PDE4D: variants seen among roughly 807,000 people sequenced by gnomAD.
PDE4D encodes phosphodiesterase 4D, also known as 3',5'-cyclic-AMP phosphodiesterase 4D.
PDE4D carries 24 observed loss-of-function variants against 87.4 expected under a neutral mutation model. The ratio of observed to expected loss-of-function variants is 0.27; its 90% CI spans 0.20 to 0.39. The LOEUF (loss-of-function observed/expected upper bound fraction) is 0.39, where lower values mean the gene tolerates loss of function less well. Ranked by LOEUF, PDE4D falls within the 10% of genes least tolerant of loss-of-function variation. The pLI is 1.00. For synonymous variants in PDE4D, 384 were observed against 383.2 expected, an observed-to-expected ratio of 1.00 and a Z score of -0.02; for missense variants, 714 against 1,041.0, an observed-to-expected ratio of 0.69 and a Z score of 4.32.
chr5:59,077,475 C>CTT (rs33910828), intron 5 of PDE4D, among the ~76,000 whole-genome samples: 5,465 of 130,878 alleles, frequency 0.042, 228 homozygotes, highest in Admixed American at 0.11. Flanking sequence ...TTTTTTTCTT[C>CTT]TTTTTTTTTT....
At chr5:59,518,728 T>G (rs182370856) in intron 1 of PDE4D, among the ~76,000 whole-genome samples, 111 of 152,292 alleles carry the variant, frequency 7.3e-4, no homozygotes, top group Non-Finnish European at 1.5e-3. Context: ...TATCCACATT[T>G]CTACATCATG....
intron 1 of PDE4D, among the ~76,000 whole-genome samples, chr5:59,536,291 G>T (rs1445971895): frequency 3.3e-5 from 5 of 151,798 alleles, no homozygotes. Context: ...GAATCACAAG[G>T]TCAGGAGATT....
At chr5:59,398,165 G>A (rs1789862385) in intron 1 of PDE4D, among the ~76,000 whole-genome samples, 3 of 143,526 alleles carry the variant, frequency 2.1e-5, no homozygotes, top group African/African-American at 7.9e-5. Flanking sequence ...GGAGGAACTG[G>A]TACCATTCCT....
intron 2 of PDE4D, among the ~76,000 whole-genome samples, chr5:60,107,795 A>T (rs1777169964): frequency 6.6e-6 from 1 of 152,210 alleles, no homozygotes; most frequent in Non-Finnish European, 1.5e-5. Flanking sequence ...AAGGCCTTTG[A>T]CAAAATTCAA....
intron 5 of PDE4D, among the ~76,000 whole-genome samples, chr5:59,070,112 G>T (rs1286381204): frequency 2.0e-5 from 3 of 152,114 alleles, no homozygotes; most frequent in East Asian, 3.9e-4. Flanking sequence ...TAGAAGTACT[G>T]CTTGAGAGTG....
chr5:60,174,368 C>T (rs1451746163), intron 2 of PDE4D, among the ~76,000 whole-genome samples: 3 of 151,766 alleles, frequency 2.0e-5, no homozygotes, highest in South Asian at 4.2e-4. Flanking sequence ...TATACATGGA[C>T]GGGAGTGACA....
chr5:60,066,282 G>T (rs1434432211), intron 2 of PDE4D, among the ~76,000 whole-genome samples: 1 of 151,888 alleles, frequency 6.6e-6, no homozygotes, highest in South Asian at 2.1e-4. Context: ...TGATGGGGTT[G>T]TTTGTTTTTT....
chr5:59,352,146 T>C (rs977465), intron 1 of PDE4D, among the ~76,000 whole-genome samples: 1 of 152,162 alleles, frequency 6.6e-6, no homozygotes, highest in Admixed American at 6.5e-5. Context: ...GGATTGGGAA[T>C]GGTTCCTGGT....
intron 11 of PDE4D, among the ~76,000 whole-genome samples, chr5:58,983,406 G>A (rs1186781424): frequency 6.6e-6 from 1 of 152,166 alleles, no homozygotes; most frequent in Non-Finnish European, 1.5e-5. Context: ...ACTTTTATTT[G>A]ATGATGAAAT....
At chr5:60,163,176 A>G (rs896450159) in intron 2 of PDE4D, among the ~76,000 whole-genome samples, 2 of 152,136 alleles carry the variant, frequency 1.3e-5, no homozygotes, top group Non-Finnish European at 2.9e-5. Flanking sequence ...ATGTTGTTTC[A>G]TAAACTGCGT....
At chr5:60,177,795 C>A (rs7704481) in intron 2 of PDE4D, among the ~76,000 whole-genome samples, 8,788 of 152,158 alleles carry the variant, frequency 0.058, 286 homozygotes, top group Middle Eastern at 0.082. Flanking sequence ...GATATAGACA[C>A]CGGTGAGGTC....
intron 5 of PDE4D, among the ~76,000 whole-genome samples, chr5:59,145,390 A>G (rs571987091): frequency 1.3e-5 from 2 of 152,286 alleles, no homozygotes; most frequent in African/African-American, 4.8e-5. Flanking sequence ...AGAGAAGGGG[A>G]CAGGTTCTTT....
intron 1 of PDE4D, among the ~76,000 whole-genome samples, chr5:60,344,194 CT>C (rs1264653643): frequency 1.3e-5 from 2 of 152,124 alleles, no homozygotes; most frequent in Admixed American, 1.3e-4. Context: ...CTATCTACCC[CT>C]GCTTCATGAA....
chr5:59,414,672 G>A (rs116634465), intron 1 of PDE4D, among the ~76,000 whole-genome samples: 6,372 of 152,322 alleles, frequency 0.042, 226 homozygotes, highest in South Asian at 0.18. Context: ...ATGAGAAACT[G>A]TCAAGAAACC....
intron 1 of PDE4D, among the ~76,000 whole-genome samples, chr5:59,386,032 G>A (rs968198061): frequency 1.3e-5 from 2 of 152,040 alleles, no homozygotes; most frequent in African/African-American, 2.4e-5. Context: ...TAGGGTGTGC[G>A]GGTAGAAACA....
At chr5:60,414,024 C>T (rs188102173) in intron 1 of PDE4D, among the ~76,000 whole-genome samples, 37 of 152,250 alleles carry the variant, frequency 2.4e-4, no homozygotes, top group Admixed American at 1.2e-3. Context: ...CCAAGTTTCT[C>T]GACAGATACA....
At chr5:59,067,236 G>A (rs1176468377) in intron 5 of PDE4D, among the ~76,000 whole-genome samples, 2 of 151,812 alleles carry the variant, frequency 1.3e-5, no homozygotes, top group Non-Finnish European at 2.9e-5. Flanking sequence ...AGGCTGGTCT[G>A]AAACTCCTGA....
At chr5:59,685,515 T>C (rs1451975532) in intron 1 of PDE4D, among the ~76,000 whole-genome samples, 1 of 152,182 alleles carries the variant, frequency 6.6e-6, no homozygotes, top group Non-Finnish European at 1.5e-5. Flanking sequence ...CACCTGTTTG[T>C]TAGGCACTGA....
intron 1 of PDE4D, among the ~76,000 whole-genome samples, chr5:59,442,126 T>C (rs556295112): frequency 6.6e-6 from 1 of 152,198 alleles, no homozygotes; most frequent in Non-Finnish European, 1.5e-5. Flanking sequence ...ATGCAAATGA[T>C]AACAATGGGC....
Sources: allele counts gnomAD v4.1 joint callset (sites outside exome capture counted in the v4.1 genomes callset), GRCh38; gene constraint gnomAD v4.1.1; transcripts MANE v1.5; gene names NCBI Gene and HGNC (gene_info 2026-07-23, HGNC 2026-07-21).